Variants in LAMA1 observed in about 807,000 individuals in gnomAD.
LAMA1 encodes laminin subunit alpha-1.
In LAMA1, 219 loss-of-function variants were observed where a neutral mutation model predicts 348.7. The ratio of observed to expected loss-of-function variants is 0.63; its 90% CI spans 0.56 to 0.70. The LOEUF is 0.70. LAMA1 is among the 30% of genes least tolerant of loss of function. The pLI is 0.00. For missense variants in LAMA1, 3,744 were observed against 3,888.0 expected (o/e 0.96, Z 0.99); for synonymous variants, 1,487 against 1,491.0 (o/e 1.00, Z 0.06).
chr18:6,947,704 C>T (rs1305058487), intron 60 of LAMA1, among the ~76,000 whole-genome samples: 2 of 152,180 alleles, frequency 1.3e-5, no homozygotes, highest in African/African-American at 2.4e-5. Flanking sequence ...TGGGAATCAT[C>T]ATTTACTGAG....
In LAMA1 at chr18:6,941,949, A is replaced by C; in HGVS notation, c.*130T>G. The C allele has an allele frequency of 1.7e-6, 2 of 1,167,740 alleles. No individual in the cohort carries two copies. Among genetic ancestry groups the C allele is most frequent in the Non-Finnish European group, 2.5e-6 (2 of 788,266 alleles). 72.3% of individuals were successfully genotyped at this position (1,167,740 alleles called of 1,614,324 possible). ...CATGTGGTTTTAGTGTAACGTAAAC[A>C]CAACATCTCTCCCCAGAAACACTTA... On this transcript the variant is annotated 3_prime_UTR_variant, in exon 63 of 63. Coordinates refer to ENST00000389658, the MANE Select transcript of LAMA1 (RefSeq NM_005559.4).
intron 1 of LAMA1, among the ~76,000 whole-genome samples, chr18:7,098,523 C>T (rs1302397310): frequency 6.7e-6 from 1 of 149,230 alleles, no homozygotes; most frequent in African/African-American, 2.5e-5. Flanking sequence ...ATGTGAGGAG[C>T]ACCTCTGCCC....
At chr18:7,086,562 G>T (rs992796238) in intron 1 of LAMA1, among the ~76,000 whole-genome samples, 7 of 148,390 alleles carry the variant, frequency 4.7e-5, no homozygotes, top group Admixed American at 1.3e-4. Flanking sequence ...CAGAGATCAT[G>T]AATTTACTGA....
rs374347282 is a variant in LAMA1, at chr18:6,942,068, C to T, written c.*11G>A. The T allele has an allele frequency of 3.3e-4, 526 of 1,614,042 alleles. 3 individuals are homozygous for T. The highest frequency in any genetic ancestry group is 2.7e-3 in the South Asian group (245 of 91,070). Reference sequence around the variant, plus strand: ...TTAGCAATGATTCCAACTGAGGATTCTGCTTGAAGTTCAGGACTCGGTCCC... The same window carrying T: ...TTAGCAATGATTCCAACTGAGGATTTTGCTTGAAGTTCAGGACTCGGTCCC... On this transcript the variant is annotated 3_prime_UTR_variant, in exon 63 of 63. Transcript: ENST00000389658.
At chr18:7,095,243 C>T (rs904371580) in intron 1 of LAMA1, among the ~76,000 whole-genome samples, 2 of 151,734 alleles carry the variant, frequency 1.3e-5, no homozygotes, top group African/African-American at 2.4e-5. Flanking sequence ...AATACAGTGA[C>T]GGAAAATTTA....
intron 37 of LAMA1, 78 bp from the exon 38 acceptor site, chr18:6,985,721 CA>C (rs1393367561): frequency 1.1e-6 from 1 of 873,090 alleles, no homozygotes; most frequent in Admixed American, 1.7e-5. Context: ...ATGCTACGTG[CA>C]GAAGTTAGTG....
chr18:7,042,168 T>A lies in LAMA1; in HGVS notation c.1238A>T (p.Asp413Val). 1 of 1,611,366 alleles carries A rather than the reference T, an allele frequency of 6.2e-7. No homozygotes were observed. Among genetic ancestry groups the A allele is most frequent in the Non-Finnish European group, 8.5e-7 (1 of 1,178,390 alleles). Reference protein sequence around the residue: ...GSLSSVCIKDDLHSDLHNGKQ... With the variant: ...GSLSSVCIKDVLHSDLHNGKQ... ...ACCATTGTGTAAGTCAGAATGGAGG[T>A]CATCCTTAATACAGACAGAACTGAG... Residue 413 changes from aspartate to valine, a missense_variant, in exon 9 of 63, where the codon GAC becomes GTC. This residue lies in a region of LAMA1 where 1,529 missense variants were observed against 1,689.4 expected (regional missense o/e 0.91). Coordinates refer to ENST00000389658, the MANE Select transcript of LAMA1 (RefSeq NM_005559.4).
intron 25 of LAMA1, among the ~76,000 whole-genome samples, chr18:7,011,040 T>C (rs761175414): frequency 6.6e-6 from 1 of 152,272 alleles, no homozygotes; most frequent in African/African-American, 2.4e-5. Flanking sequence ...TGACTGTATA[T>C]GTCTGTTGAA....
At position 6,950,983 on chromosome 18, in the gene LAMA1, A is replaced by C. The variant is rs2057544232; in HGVS notation, c.8208-12T>G. Reference sequence around the variant, plus strand: ...GCTCAACCGAGAGCCTGGGGAAAACAAGTGCTCAGCGTTGAGAAAGGAAAC... The same window carrying C: ...GCTCAACCGAGAGCCTGGGGAAAACCAGTGCTCAGCGTTGAGAAAGGAAAC... On this transcript the variant is annotated splice_polypyrimidine_tract_variant and intron_variant, in intron 57 of 62. Coordinates refer to ENST00000389658, the MANE Select transcript of LAMA1 (RefSeq NM_005559.4). 1 of 1,612,642 alleles carries C rather than the reference A, an allele frequency of 6.2e-7. No individual in the cohort carries two copies. The highest frequency in any genetic ancestry group is 1.7e-5 in the Admixed American group (1 of 59,874).
intron 3 of LAMA1, among the ~76,000 whole-genome samples, chr18:7,059,398 C>T (rs374687807): frequency 6.6e-6 from 1 of 152,138 alleles, no homozygotes; most frequent in Admixed American, 6.5e-5. Context: ...ACTTTCATCA[C>T]GATTTTCCAC....
At chr18:7,053,780 A>ATTTTTTTTTTT (rs371341214) in intron 3 of LAMA1, among the ~76,000 whole-genome samples, 6 of 138,300 alleles carry the variant, frequency 4.3e-5, no homozygotes, top group African/African-American at 1.1e-4. Context: ...TCATTAGAGG[A>ATTTTTTTTTTT]TTTTTTTTTT....
At chr18:7,109,998 A>G (rs2058329382) in intron 1 of LAMA1, among the ~76,000 whole-genome samples, 1 of 152,184 alleles carries the variant, frequency 6.6e-6, no homozygotes, top group South Asian at 2.1e-4. Context: ...CCTGGCCAAC[A>G]TGATAAAACC....
intron 1 of LAMA1, among the ~76,000 whole-genome samples, chr18:7,096,494 A>AT (rs1031165035): frequency 2.6e-5 from 4 of 151,476 alleles, no homozygotes; most frequent in East Asian, 1.9e-4. Flanking sequence ...CTGGGTAACA[A>AT]TTTTTTTTTA....
At chr18:6,981,427 T>C (rs1460415983) in intron 41 of LAMA1, among the ~76,000 whole-genome samples, 2 of 152,170 alleles carry the variant, frequency 1.3e-5, no homozygotes, top group East Asian at 3.9e-4. Context: ...GCCACCCAAC[T>C]GGAACTCAAC....
chr18:6,955,845 G>A (rs369974134), intron 56 of LAMA1: 228 of 359,976 alleles, frequency 6.3e-4, no homozygotes, highest in African/African-American at 4.0e-3. Context: ...GACGAGCTGC[G>A]GACCAGGCAC....
intron 33 of LAMA1, among the ~76,000 whole-genome samples, chr18:6,996,793 A>G (rs1163625512): frequency 6.6e-6 from 1 of 152,034 alleles, no homozygotes; most frequent in Non-Finnish European, 1.5e-5. Flanking sequence ...AAATAATAAA[A>G]TAAATAAATA....
At chr18:7,015,987 T>G in intron 21 of LAMA1, 129 bp from the exon 22 acceptor site, 4 of 1,070,846 alleles carry the variant, frequency 3.7e-6, no homozygotes, top group Non-Finnish European at 4.2e-6. Flanking sequence ...CGCCTCACAA[T>G]TCCCAAGACC....
chr18:7,010,144 A>C (rs1196894340), intron 26 of LAMA1, 56 bp downstream of exon 26: 2 of 1,587,220 alleles, frequency 1.3e-6, no homozygotes, highest in African/African-American at 2.7e-5. Flanking sequence ...CTTTCACTAC[A>C]TCCATAGCAA....
chr18:7,050,299 T>A (rs1199101216), intron 4 of LAMA1, among the ~76,000 whole-genome samples: 1 of 152,212 alleles, frequency 6.6e-6, no homozygotes, highest in Non-Finnish European at 1.5e-5. Flanking sequence ...TGTTGGGCAC[T>A]AAGCTGCAAG....
Sources: gnomAD v4.1 joint callset for allele counts (sites outside exome capture counted in the v4.1 genomes callset) on GRCh38, gnomAD v4.1.1 for gene constraint, gnomAD v4.1.1 regional missense constraint, MANE v1.5 for transcripts, NCBI Gene and HGNC (gene_info 2026-07-23, HGNC 2026-07-21) for gene names.